ZCWPW2: variants seen among roughly 807,000 people sequenced by gnomAD.
ZCWPW2 encodes the protein zinc finger CW-type and PWWP domain containing 2.
In ZCWPW2, 45 loss-of-function variants were observed where a neutral mutation model predicts 46.6. The observed-to-expected ratio is 0.96, with a 90% CI of 0.76 to 1.24. ZCWPW2 has a LOEUF of 1.24. Ranked by LOEUF, ZCWPW2 falls within the 50% of genes most tolerant of loss-of-function variation. ZCWPW2 has a pLI of 0.00. For missense variants in ZCWPW2, 429 were observed against 403.9 expected (o/e 1.06, Z -0.53); for synonymous variants, 152 against 137.1 (o/e 1.11, Z -0.76).
At chr3:28,514,858 G>A (rs906234287) in intron 7 of ZCWPW2, among the ~76,000 whole-genome samples, 2 of 152,140 alleles carry the variant, frequency 1.3e-5, no homozygotes, top group African/African-American at 2.4e-5. Context: ...AATCAGTGCT[G>A]TGTTAGGAGG....
chr3:28,461,011 A>G (rs1389777853), intron 4 of ZCWPW2: 1 of 265,862 alleles, frequency 3.8e-6, no homozygotes, highest in Non-Finnish European at 8.6e-6. Flanking sequence ...CTACAGACAT[A>G]TAAGAAATAA....
At chr3:28,474,803 AT>A (rs1238024265) in intron 4 of ZCWPW2, among the ~76,000 whole-genome samples, 2 of 89,780 alleles carry the variant, frequency 2.2e-5, no homozygotes, top group Middle Eastern at 0.011. Flanking sequence ...TGTCTGAACT[AT>A]TTGTTGTTGT....
At position 28,494,480 on chromosome 3, in the gene ZCWPW2, T is replaced by C. The variant is rs544628630; in HGVS notation, c.657+2307T>C. 4.5e-3 allele frequency among the ~76,000 whole-genome samples: 686 copies of C among 151,136 alleles called. 10 individuals are homozygous for C. Among genetic ancestry groups the C allele is most frequent in the African/African-American group, 0.016 (648 of 41,170 alleles). ...AGTTGTAGATATGCGGCATTATTTC[T>C]GAGGGCTCTGTTCTGTTCCATTGAT... On this transcript the variant is annotated intron_variant, in intron 6 of 9. Coordinates refer to ENST00000383768, the MANE Select transcript of ZCWPW2 (RefSeq NM_001040432.4).
chr3:28,524,166 G>A (rs1330274133), intron 9 of ZCWPW2, among the ~76,000 whole-genome samples: 3 of 151,702 alleles, frequency 2.0e-5, no homozygotes, highest in Non-Finnish European at 2.9e-5. Flanking sequence ...TTGACAAGAT[G>A]ACCACAGAAA....
chr3:28,421,587 C>T lies in ZCWPW2; in HGVS notation c.332+8187C>T, dbSNP rs138993854. 3.6e-4 allele frequency among the ~76,000 whole-genome samples: 55 copies of T among 152,072 alleles called. 1 individual carries two copies. The East Asian group carries it at 0.011, about 29-fold the overall frequency. ...AGCTTTTTTTGTTTGTCTGGTTGCA[C>T]TCACTGGTGTTTCTGGGTTGCTGAC... On this transcript the variant is annotated intron_variant, in intron 3 of 9. Transcript: ENST00000383768.
chr3:28,359,123 T>C (rs1263271578), intron 1 of ZCWPW2, among the ~76,000 whole-genome samples: 1 of 152,112 alleles, frequency 6.6e-6, no homozygotes, highest in African/African-American at 2.4e-5. Flanking sequence ...TTACTTGTAT[T>C]TTTAAGTTTG....
chr3:28,513,784 T>C lies in ZCWPW2; in HGVS notation c.658-280T>C, dbSNP rs147487364. On this transcript the variant is annotated intron_variant, in intron 6 of 9. Transcript: ENST00000383768. ...ATGTGTGTACAACTTTAACGTGTTT[T>C]TATTACTATTTTTATGTGTTTGTGA... is the stretch of plus-strand genomic sequence containing the variant. Among the ~76,000 whole-genome samples the C allele has an allele frequency of 8.2e-3, 1,255 of 152,250 alleles. 21 individuals are homozygous for C. Among genetic ancestry groups the C allele is most frequent in the African/African-American group, 0.029 (1,188 of 41,546 alleles).
At chr3:28,402,262 G>T (rs563765095) in intron 2 of ZCWPW2, among the ~76,000 whole-genome samples, 4 of 152,092 alleles carry the variant, frequency 2.6e-5, no homozygotes, top group Non-Finnish European at 4.4e-5. Flanking sequence ...TGACACCACA[G>T]AAATACAAAA....
intron 5 of ZCWPW2, 111 bp from the exon 6 acceptor site, chr3:28,492,016 A>G (rs1384367132): frequency 4.7e-6 from 5 of 1,072,396 alleles, no homozygotes; most frequent in Non-Finnish European, 6.8e-6. Flanking sequence ...GGAACAAAAT[A>G]CTGTTACAAT....
At chr3:28,410,824 A>G (rs1027125630) in intron 2 of ZCWPW2, among the ~76,000 whole-genome samples, 2 of 151,978 alleles carry the variant, frequency 1.3e-5, no homozygotes, top group Admixed American at 6.6e-5. Flanking sequence ...ATAGAATTCA[A>G]AAAACTGAAG....
intron 4 of ZCWPW2, among the ~76,000 whole-genome samples, chr3:28,456,146 T>C (rs1698412865): frequency 6.6e-6 from 1 of 152,198 alleles, no homozygotes. Context: ...GTTTCTGTCC[T>C]CTCTGATTTC....
At chr3:28,412,451 G>T (rs1196982642) in intron 2 of ZCWPW2, among the ~76,000 whole-genome samples, 1 of 151,910 alleles carries the variant, frequency 6.6e-6, no homozygotes, top group Non-Finnish European at 1.5e-5. Context: ...AGAAGAAAAG[G>T]TTCATTTAGT....
intron 4 of ZCWPW2, among the ~76,000 whole-genome samples, chr3:28,459,837 C>T (rs1418709049): frequency 6.6e-5 from 10 of 151,878 alleles, no homozygotes; most frequent in Non-Finnish European, 1.5e-4. Flanking sequence ...CAGATTGGGG[C>T]TTCTTTAAAA....
intron 4 of ZCWPW2, among the ~76,000 whole-genome samples, chr3:28,455,781 G>A (rs2125783829): frequency 6.6e-6 from 1 of 152,204 alleles, no homozygotes. Flanking sequence ...TTTTGTTTAA[G>A]ATCAGATAAC....
intron 4 of ZCWPW2, among the ~76,000 whole-genome samples, chr3:28,469,620 C>G (rs1339254910): frequency 6.6e-6 from 1 of 151,100 alleles, no homozygotes; most frequent in East Asian, 2.0e-4. Context: ...TAAGAAGAGA[C>G]AAAGAAGATT....
At chr3:28,351,052 AGTTTGG>A (rs936760324) in intron 1 of ZCWPW2, among the ~76,000 whole-genome samples, 5 of 151,624 alleles carry the variant, frequency 3.3e-5, no homozygotes, top group Admixed American at 6.6e-5. Flanking sequence ...TCCAAGGCCA[AGTTTGG>A]GACAGTTTCT....
At chr3:28,457,947 CTA>C (rs1698484105) in intron 4 of ZCWPW2, among the ~76,000 whole-genome samples, 1 of 152,026 alleles carries the variant, frequency 6.6e-6, no homozygotes, top group East Asian at 1.9e-4. Flanking sequence ...AAGTTTTTAA[CTA>C]TGATTAATTG....
chr3:28,352,298 A>G (rs542086902), intron 1 of ZCWPW2, among the ~76,000 whole-genome samples: 2 of 152,312 alleles, frequency 1.3e-5, no homozygotes, highest in South Asian at 4.1e-4. Flanking sequence ...CTTGAGAGGA[A>G]CATAAAGGCT....
chr3:28,446,114 C>A (rs915606774), intron 4 of ZCWPW2, among the ~76,000 whole-genome samples: 1 of 151,982 alleles, frequency 6.6e-6, no homozygotes, highest in Non-Finnish European at 1.5e-5. Context: ...AATGGATAGA[C>A]CACCAGGCAG....
Sources: allele counts gnomAD v4.1 joint callset (sites outside exome capture counted in the v4.1 genomes callset), GRCh38; gene constraint gnomAD v4.1.1; transcripts MANE v1.5; gene names NCBI Gene and HGNC (gene_info 2026-07-23, HGNC 2026-07-21).